Variants in SRPRB observed in about 807,000 individuals in gnomAD.
The protein encoded by SRPRB is signal recognition particle receptor subunit beta.
In SRPRB, 20 loss-of-function variants were observed where a neutral mutation model predicts 31.9. The observed-to-expected ratio is 0.63, with a 90% CI of 0.44 to 0.91. SRPRB has a LOEUF of 0.91. SRPRB is among the 40% of genes least tolerant of loss of function. The pLI is 0.00. For missense variants in SRPRB, 321 were observed against 324.9 expected, an observed-to-expected ratio of 0.99 and a Z score of 0.09; for synonymous variants, 146 against 132.8, an observed-to-expected ratio of 1.10 and a Z score of -0.68.
At chr3:133,827,746 A>AACCCC, downstream of SRPRB, 5 of 72,112 alleles carry the variant, frequency 6.9e-5, no homozygotes, top group Non-Finnish European at 8.2e-5. Flanking sequence ...TGCAGACAAC[A>AACCCC]CCCCCCCCCC....
At chr3:133,822,412 C>T (rs912848151), downstream of SRPRB, among the ~76,000 whole-genome samples, 1 of 152,220 alleles carries the variant, frequency 6.6e-6, no homozygotes, top group Non-Finnish European at 1.5e-5. Flanking sequence ...GGTATGGACA[C>T]GGGCAGACCC....
chr3:133,797,807 T>C (rs1935000499), intron 1 of SRPRB, among the ~76,000 whole-genome samples: 1 of 152,252 alleles, frequency 6.6e-6, no homozygotes, highest in African/African-American at 2.4e-5. Flanking sequence ...GGTAGTAAAA[T>C]ATCCCTTTAT....
In SRPRB at chr3:133,819,577, T is replaced by C. The variant is rs762072380; in HGVS notation, c.627T>C (p.Ser209=). Residue 209 remains serine (S), a synonymous_variant, in exon 7 of 7, where the codon TCT becomes TCC. Coordinates refer to ENST00000678299, the MANE Select transcript of SRPRB (RefSeq NM_001379313.1). Reference sequence around the variant, plus strand: ...GCAACACCTTACGAGTTACCCGTTCTGCTGCCCCCAGCACACTGGACAGTT... The same window carrying C: ...GCAACACCTTACGAGTTACCCGTTCCGCTGCCCCCAGCACACTGGACAGTT... ...KELNTLRVTR[S]AAPSTLDSSS... 35 of 1,614,046 alleles carry C rather than the reference T, an allele frequency of 2.2e-5. No individual in the cohort carries two copies. Among genetic ancestry groups the C allele is most frequent in the Admixed American group, 8.3e-5 (5 of 60,004 alleles).
downstream of SRPRB, chr3:133,824,315 T>C (rs1445059944): frequency 6.6e-6 from 1 of 152,218 alleles, no homozygotes; most frequent in African/African-American, 2.4e-5. Context: ...TAATGTGAAA[T>C]CAACATGGCG....
At chr3:133,803,761 GGCTCAAGCGCTCCT>G (rs1238415926), upstream of SRPRB, among the ~76,000 whole-genome samples, 2 of 151,180 alleles carry the variant, frequency 1.3e-5, no homozygotes, top group African/African-American at 2.4e-5. Context: ...GGAATTCCTG[GGCTCAAGCGCTCCT>G]GCCTCAGTCT....
At chr3:133,810,184 A>C (rs998298976) in intron 3 of SRPRB, 38 of 152,228 alleles carry the variant, frequency 2.5e-4, no homozygotes, top group Non-Finnish European at 4.7e-4. Context: ...GGGACTAATA[A>C]AAAACATATT....
chr3:133,804,110 A>AG (rs1358874437), upstream of SRPRB, among the ~76,000 whole-genome samples: 19 of 150,604 alleles, frequency 1.3e-4, no homozygotes, highest in African/African-American at 4.1e-4. Context: ...AAAAAAAAAA[A>AG]AAAAAAGAAA....
intron 1 of SRPRB, chr3:133,788,663 A>C (rs937904338): frequency 2.7e-5 from 4 of 150,598 alleles, no homozygotes; most frequent in African/African-American, 9.8e-5. Context: ...TTCCTTTCCA[A>C]CTCGGGACCC....
downstream of SRPRB, among the ~76,000 whole-genome samples, chr3:133,823,277 G>A (rs917706151): frequency 9.9e-5 from 15 of 151,754 alleles, no homozygotes; most frequent in South Asian, 4.2e-4. Flanking sequence ...TTGTTTTGTC[G>A]AGACAGAGTC....
At chr3:133,815,498 G>A in intron 4 of SRPRB, 92 bp from the exon 5 acceptor site, 1 of 1,494,092 alleles carries the variant, frequency 6.7e-7, no homozygotes. Flanking sequence ...TAATCACCAA[G>A]ATTGACTTTG....
chr3:133,797,916 G>A lies in SRPRB; in HGVS notation c.-173-7760G>A, dbSNP rs75560803. 3.0e-4 allele frequency among the ~76,000 whole-genome samples: 46 copies of A among 152,076 alleles called. No homozygotes were observed. The East Asian group carries it at 8.5e-3, about 28-fold the overall frequency. On this transcript the variant is annotated intron_variant, in intron 1 of 7. Coordinates refer to the SRPRB transcript ENST00000466490. ...AGACATAGTCCTGTACTTAGTCACT[G>A]GCATGCTAGAAGAGGGAGAAGGGGA...
intron 4 of SRPRB, among the ~76,000 whole-genome samples, chr3:133,814,155 G>A (rs983013359): frequency 6.8e-6 from 1 of 148,044 alleles, no homozygotes; most frequent in Admixed American, 6.7e-5. Context: ...TTTTTGAGAC[G>A]GAGTCTCGCT....
At position 133,819,827 on chromosome 3, in the gene SRPRB, G is replaced by A. The variant is rs893679506; in HGVS notation, c.*61G>A. The A allele has an allele frequency of 1.9e-5, 29 of 1,499,434 alleles. No individual in the cohort carries two copies. The highest frequency in any genetic ancestry group is 4.7e-5 in the East Asian group (2 of 42,138). The allele number at this position is 1,499,434 out of a possible 1,614,324, so 92.9% of individuals were successfully genotyped here. ...CACACAGTTTTGGAAAAAGGTCTGT[G>A]GTAGTCTGGAGTTGATGAGGAAGGG... On this transcript the variant is annotated 3_prime_UTR_variant, in exon 7 of 7. Coordinates refer to ENST00000678299, the MANE Select transcript of SRPRB (RefSeq NM_001379313.1).
intron 3 of SRPRB, among the ~76,000 whole-genome samples, chr3:133,808,859 C>T (rs1457371008): frequency 7.3e-6 from 1 of 136,844 alleles, no homozygotes; most frequent in East Asian, 2.3e-4. Context: ...CACTGCACTC[C>T]AGCCTGGGCA....
intron 4 of SRPRB, among the ~76,000 whole-genome samples, chr3:133,814,162 CGCTCTGTTGCCCAG>C (rs1312739767): frequency 6.7e-6 from 1 of 149,364 alleles, no homozygotes; most frequent in African/African-American, 2.5e-5. Context: ...GACGGAGTCT[CGCTCTGTTGCCCAG>C]GCTGGAGTGC....
chr3:133,826,113 G>C (rs148624690), downstream of SRPRB: 100 of 152,386 alleles, frequency 6.6e-4, no homozygotes, highest in African/African-American at 2.3e-3. Flanking sequence ...CAGGAAGGGA[G>C]GGGCGGAAAC....
chr3:133,822,138 A>AG (rs1176542954), downstream of SRPRB, among the ~76,000 whole-genome samples: 2 of 152,010 alleles, frequency 1.3e-5, no homozygotes, highest in African/African-American at 2.4e-5. Context: ...TGGCCAGAGT[A>AG]GAAGGATGGA....
chr3:133,819,572 C>T lies in SRPRB; in HGVS notation c.622C>T (p.Arg208Cys), dbSNP rs764263787. 3.3e-5 allele frequency: 53 copies of T among 1,613,770 alleles called. No homozygotes were observed. The highest frequency in any genetic ancestry group is 6.7e-5 in the African/African-American group (5 of 74,936). The change falls in exon 7 of 7, where the codon CGT (arginine) becomes TGT (cysteine). Residue 208 changes from arginine (R) to cysteine (C), a missense_variant. Physicochemically the swap from Arg to Cys is radical, Grantham distance 180. Transcript: ENST00000678299. ...EKELNTLRVT[R>C]SAAPSTLDSS... ...CCACAGCAACACCTTACGAGTTACCCGTTCTGCTGCCCCCAGCACACTGGA... is the reference window on the plus strand; with the variant it reads ...CCACAGCAACACCTTACGAGTTACCTGTTCTGCTGCCCCCAGCACACTGGA...
chr3:133,823,111 G>T (rs1935500340), downstream of SRPRB, among the ~76,000 whole-genome samples: 1 of 152,184 alleles, frequency 6.6e-6, no homozygotes, highest in East Asian at 1.9e-4. Context: ...TGACTCCTAA[G>T]CGCTGTGTGG....
Sources: allele counts gnomAD v4.1 joint callset (sites outside exome capture counted in the v4.1 genomes callset), GRCh38; gene constraint gnomAD v4.1.1; transcripts MANE v1.5; gene names NCBI Gene and HGNC (gene_info 2026-07-23, HGNC 2026-07-21).